The following GJC1 variants were observed in gnomAD, a reference collection of about 807,000 sequenced individuals.
GJC1 encodes the protein gap junction gamma-1 protein.
GJC1 carries 5 observed loss-of-function variants against 29.3 expected under a neutral mutation model. The observed-to-expected ratio is 0.17, with a 90% CI of 0.09 to 0.36. The LOEUF (loss-of-function observed/expected upper bound fraction) is 0.36. Among genes scored for constraint, GJC1 ranks in the 10% least tolerant of loss-of-function variants. GJC1 has a pLI of 1.00. For synonymous variants in GJC1, 177 were observed against 183.3 expected (o/e 0.97, Z 0.28); for missense variants, 310 against 496.2 (o/e 0.62, Z 3.56).
In GJC1 at chr17:44,805,820, T is replaced by C. The variant is rs745521363; in HGVS notation, c.-3A>G. 6.4e-7 allele frequency: 1 copy of C among 1,563,338 alleles called. No homozygotes were observed. The highest frequency in any genetic ancestry group is 8.8e-7 in the Non-Finnish European group (1 of 1,137,464). ...CGAGTCAGGAAGCTCCAACTCATGG[T>C]GATTGAATTGGTATGCCCTGATAAA... On this transcript the variant is annotated 5_prime_UTR_variant, in exon 3 of 3. Transcript: ENST00000592524. The surrounding 1 kb of genome is among the most constrained non-coding windows in gnomAD (Gnocchi z 5.1).
intron 1 of GJC1, among the ~76,000 whole-genome samples, chr17:44,814,616 G>A (rs1436746054): frequency 6.6e-6 from 1 of 152,056 alleles, no homozygotes. Context: ...GTGAGGAAAT[G>A]GTCTACATAA....
At chr17:44,797,050 A>G (rs2049788044), downstream of GJC1, among the ~76,000 whole-genome samples, 1 of 152,010 alleles carries the variant, frequency 6.6e-6, no homozygotes, top group South Asian at 2.1e-4. Flanking sequence ...GGGTCTCACT[A>G]TGTTGCCCAG....
chr17:44,831,090 C>T (rs1054002487), upstream of GJC1, among the ~76,000 whole-genome samples: 8 of 152,130 alleles, frequency 5.3e-5, no homozygotes, highest in African/African-American at 1.9e-4. Context: ...GATGGACAGG[C>T]TTTTATTATT....
At chr17:44,824,044 TG>T (rs1567715375) in intron 1 of GJC1, among the ~76,000 whole-genome samples, 1 of 149,810 alleles carries the variant, frequency 6.7e-6, no homozygotes, top group Non-Finnish European at 1.5e-5. Context: ...AGTCTTGCTC[TG>T]TTGCCAGGCT....
At position 44,804,648 on chromosome 17, in the gene GJC1, C is replaced by T; in HGVS notation, c.1170G>A (p.Gly390=). The T allele has an allele frequency of 6.2e-7, 1 of 1,613,312 alleles. No individual in the cohort carries two copies. Among genetic ancestry groups the T allele is most frequent in the Non-Finnish European group, 8.5e-7 (1 of 1,179,514 alleles). ...AGGATTAAATCCAGACGGAGGTCTT[C>T]CCATCCCCTGATTTGCTACTGGCAG... ...KSTASSKSGD[G]KTSVWI is the part of the protein sequence containing the mutation. The change falls in exon 3 of 3, where the codon GGG becomes GGA. Residue 390 remains glycine, a synonymous_variant. Transcript: ENST00000592524.
At chr17:44,811,311 C>G (rs1405401692) in intron 1 of GJC1, among the ~76,000 whole-genome samples, 1 of 150,370 alleles carries the variant, frequency 6.7e-6, no homozygotes, top group African/African-American at 2.5e-5. Flanking sequence ...CAACTCCTGA[C>G]CCTCAGGTGA....
downstream of GJC1, among the ~76,000 whole-genome samples, chr17:44,796,997 C>T (rs147379915): frequency 6.1e-3 from 931 of 152,240 alleles, 8 homozygotes; most frequent in Admixed American, 0.017. Context: ...CAGGTGAGTA[C>T]TACCATGCCT....
chr17:44,798,182 C>G (rs546404142), downstream of GJC1, among the ~76,000 whole-genome samples: 1 of 152,244 alleles, frequency 6.6e-6, no homozygotes, highest in South Asian at 2.1e-4. Context: ...ACAGTAGTCC[C>G]AGAAGAGCTT....
chr17:44,830,920 A>G (rs771010227), upstream of GJC1: 1 of 382,226 alleles, frequency 2.6e-6, no homozygotes, highest in Non-Finnish European at 4.6e-6. The surrounding 1 kb of genome is among the most constrained non-coding windows in gnomAD (Gnocchi z 4.3). Flanking sequence ...AGGACTTGGG[A>G]AAAATTTTCA....
chr17:44,824,454 A>G (rs1302013702), intron 1 of GJC1, among the ~76,000 whole-genome samples: 1 of 152,004 alleles, frequency 6.6e-6, no homozygotes, highest in East Asian at 1.9e-4. Flanking sequence ...GTATGCCACC[A>G]CATCCAGCTA....
At chr17:44,816,608 TCTC>T (rs769817472) in intron 1 of GJC1, among the ~76,000 whole-genome samples, 1 of 151,966 alleles carries the variant, frequency 6.6e-6, no homozygotes, top group Non-Finnish European at 1.5e-5. Context: ...TTCAAGCAAT[TCTC>T]CTGCCTCAGT....
In GJC1 at chr17:44,802,637, C is replaced by T. The variant is rs1417883509; in HGVS notation, c.*1990G>A. The T allele has an allele frequency of 6.6e-6, 1 of 151,690 alleles. No homozygotes were observed. The highest frequency in any genetic ancestry group is 1.5e-5 in the Non-Finnish European group (1 of 68,012). The allele number at this position is 151,690 out of a possible 1,614,324, so 9.4% of individuals were successfully genotyped here. On this transcript the variant is annotated 3_prime_UTR_variant, in exon 3 of 3. Coordinates refer to ENST00000592524, the MANE Select transcript of GJC1 (RefSeq NM_005497.4). ...AGAGTTCCTGAGGTGCTTCTCTAGG[C>T]TAAAATTTAAAGATTTTTTTTTAAA...
In GJC1 at chr17:44,809,161, TGAA is replaced by T. The variant is rs566334896; in HGVS notation, c.-96-1695_-96-1693del. ...CTGTAATCTCAGCACTTTGGAAGGC[TGAA>T]GGAGGAGGATCACTTGAACTTGGGA... On this transcript the variant is annotated intron_variant, in intron 1 of 2. Transcript: ENST00000592524. Among the ~76,000 whole-genome samples, 218 of 152,288 alleles carry T rather than the reference TGAA, an allele frequency of 1.4e-3. 1 individual carries two copies. The highest frequency in any genetic ancestry group is 3.4e-3 in the Middle Eastern group (1 of 294).
At chr17:44,797,629 A>G (rs755680506), downstream of GJC1, 3 of 152,174 alleles carry the variant, frequency 2.0e-5, no homozygotes, top group Non-Finnish European at 4.4e-5. Flanking sequence ...CCTGCTTCCA[A>G]TGGGAGATAT....
At chr17:44,822,281 G>A (rs2145360380) in intron 1 of GJC1, among the ~76,000 whole-genome samples, 1 of 151,922 alleles carries the variant, frequency 6.6e-6, no homozygotes, top group Non-Finnish European at 1.5e-5. Flanking sequence ...ACCATTATGG[G>A]GGGAATAAGG....
upstream of GJC1, chr17:44,830,943 C>T (rs1272965053): frequency 1.1e-5 from 4 of 370,512 alleles, no homozygotes; most frequent in African/African-American, 6.2e-5. The surrounding 1 kb of genome is among the most constrained non-coding windows in gnomAD (Gnocchi z 4.3). Context: ...CATAGGAATC[C>T]CCAGTTTTAA....
Position 44,804,960 on chromosome 17 carries a change from A to G in GJC1, c.858T>C (p.Ala286=). ...NYPFTWNTPS[A]PPGYNIAVKP... ...TGACAGCAATGTTATAGCCAGGGGGAGCAGATGGTGTATTCCAAGTGAAAG... is the reference window on the plus strand; with the variant it reads ...TGACAGCAATGTTATAGCCAGGGGGGGCAGATGGTGTATTCCAAGTGAAAG... The change falls in exon 3 of 3, where the codon GCT becomes GCC. Residue 286 remains alanine, a synonymous_variant. Transcript: ENST00000592524. 6.2e-7 allele frequency: 1 copy of G among 1,613,910 alleles called. No individual in the cohort carries two copies. The highest frequency in any genetic ancestry group is 1.3e-5 in the African/African-American group (1 of 74,970).
intron 1 of GJC1, among the ~76,000 whole-genome samples, chr17:44,817,013 C>G (rs531318666): frequency 7.3e-5 from 11 of 151,462 alleles, no homozygotes; most frequent in Non-Finnish European, 1.5e-4. Flanking sequence ...GAGTTCGAGA[C>G]CAGCCTGACC....
At chr17:44,814,806 G>A (rs921526648) in intron 1 of GJC1, among the ~76,000 whole-genome samples, 1 of 152,124 alleles carries the variant, frequency 6.6e-6, no homozygotes, top group African/African-American at 2.4e-5. Context: ...AGCTGGGCGT[G>A]GTGGCATGCG....
Sources: allele counts gnomAD v4.1 joint callset (sites outside exome capture counted in the v4.1 genomes callset), GRCh38; gene constraint gnomAD v4.1.1; non-coding constraint Gnocchi (gnomAD v3.1); transcripts MANE v1.5; gene names NCBI Gene and HGNC (gene_info 2026-07-23, HGNC 2026-07-21).